The following ATP23 variants were observed in gnomAD, a reference collection of about 807,000 sequenced individuals.
ATP23 encodes ATP23 metallopeptidase and ATP synthase assembly factor homolog.
In ATP23, 24 loss-of-function variants were observed where a neutral mutation model predicts 28.5. The ratio of observed to expected loss-of-function variants is 0.84; its 90% CI spans 0.61 to 1.18. The LOEUF is 1.18. ATP23 is among the 50% of genes most tolerant of loss of function. The pLI is 0.00. For missense variants in ATP23, 274 were observed against 306.4 expected, an observed-to-expected ratio of 0.89 and a Z score of 0.79; for synonymous variants, 99 against 108.6, an observed-to-expected ratio of 0.91 and a Z score of 0.55.
intron 5 of ATP23, among the ~76,000 whole-genome samples, chr12:57,954,177 A>T (rs12299383): frequency 0.011 from 1,510 of 138,318 alleles, 32 homozygotes; most frequent in African/African-American, 0.041. Flanking sequence ...TCTGGGCCAC[A>T]GAGTGAGACT....
chr12:57,952,208 T>TA (rs745354801), intron 4 of ATP23, among the ~76,000 whole-genome samples: 3 of 152,034 alleles, frequency 2.0e-5, no homozygotes, highest in Non-Finnish European at 4.4e-5. Flanking sequence ...AAAATAAAAA[T>TA]AAAAAAATAA....
intron 2 of ATP23, among the ~76,000 whole-genome samples, chr12:57,946,159 C>G (rs1956758894): frequency 6.6e-6 from 1 of 152,150 alleles, no homozygotes; most frequent in Admixed American, 6.5e-5. Context: ...AGCCACTGCG[C>G]CAGCCCAGCT....
Position 57,956,738 on chromosome 12 carries a change from A to C in ATP23, c.589A>C (p.Ser197Arg). The C allele has an allele frequency of 6.2e-6, 10 of 1,614,016 alleles. No individual in the cohort carries two copies. Among genetic ancestry groups the C allele is most frequent in the Non-Finnish European group, 8.5e-6 (10 of 1,179,964 alleles). The part of the protein sequence containing the change: ...TLSILAVRNI[S>R]KEVAKKAVDE... ...TTCTATCCTGGCTGTTAGGAATATC[A>C]GCAAAGAAGTAGCTAAAAAGGCTGT... Residue 197 changes from serine to arginine, a missense_variant, in exon 6 of 6, where the codon AGC becomes CGC. Ser to Arg is a moderately radical substitution (Grantham distance 110). Transcript: ENST00000300145.
intron 3 of ATP23, among the ~76,000 whole-genome samples, chr12:57,950,232 G>A (rs970628704): frequency 6.6e-6 from 1 of 152,116 alleles, no homozygotes; most frequent in African/African-American, 2.4e-5. Flanking sequence ...ATTGCTCTTA[G>A]GGTAAAGACA....
intron 1 of ATP23, among the ~76,000 whole-genome samples, chr12:57,944,129 T>C (rs1224769989): frequency 1.3e-5 from 2 of 151,846 alleles, no homozygotes; most frequent in African/African-American, 4.8e-5. Context: ...ATTCTCCTAG[T>C]TGCATGAATA....
At chr12:57,945,561 C>T in intron 1 of ATP23, 67 bp from the exon 2 acceptor site, 1 of 1,348,578 alleles carries the variant, frequency 7.4e-7, no homozygotes, top group Non-Finnish European at 1.1e-6. Flanking sequence ...ATATCTTACA[C>T]TGCTATTTGG....
intron 1 of ATP23, 132 bp downstream of exon 1, chr12:57,942,020 G>T: frequency 8.8e-7 from 1 of 1,138,352 alleles, no homozygotes. Context: ...GGGCATCATG[G>T]GGGCTGGGTT....
At position 57,958,471 on chromosome 12, in the gene ATP23, T is replaced by C. The variant is rs1025088596; in HGVS notation, c.*1581T>C. On this transcript the variant is annotated 3_prime_UTR_variant, in exon 6 of 6. Transcript: ENST00000300145. ...CAACCACCAAAGCTAAGAACCCTCA[T>C]GGAGTCCATTGCACCCCCCCTGCCA... Among the ~76,000 whole-genome samples the C allele has an allele frequency of 6.6e-6, 1 of 152,100 alleles. No homozygotes were observed. Among genetic ancestry groups the C allele is most frequent in the East Asian group, 1.9e-4 (1 of 5,188 alleles).
chr12:57,952,422 A>C (rs1341634787), intron 4 of ATP23, among the ~76,000 whole-genome samples: 20 of 152,212 alleles, frequency 1.3e-4, no homozygotes, highest in Non-Finnish European at 1.5e-5. Flanking sequence ...TAGCTTGCCC[A>C]GCTGCCTTCC....
At chr12:57,948,176 C>T (rs1315743766) in intron 3 of ATP23, among the ~76,000 whole-genome samples, 7 of 152,158 alleles carry the variant, frequency 4.6e-5, no homozygotes, top group Non-Finnish European at 8.8e-5. Flanking sequence ...ACTCCCTTCT[C>T]GGTCCCCCCA....
intron 5 of ATP23, 112 bp downstream of exon 5, chr12:57,953,801 A>T: frequency 1.1e-6 from 1 of 917,920 alleles, no homozygotes; most frequent in Non-Finnish European, 1.7e-6. Flanking sequence ...TTCGTATGTG[A>T]AAAGAATACA....
rs5798421 is a variant in ATP23, at chr12:57,945,243, C to CTT, written c.188-377_188-376dup. 2.6e-5 allele frequency among the ~76,000 whole-genome samples: 4 copies of CTT among 151,434 alleles called. No homozygotes were observed. In the South Asian group the frequency reaches 8.4e-4, roughly 32 times the overall value. ...TTTTACCAATTTTAAGATAACATTA[C>CTT]TTTTTTTTTGAGACAGAGTCACTCT... On this transcript the variant is annotated intron_variant, in intron 1 of 5. Transcript: ENST00000300145.
rs1265134711 is a variant in ATP23 at position 57,941,768 on chromosome 12, G to T, written c.67G>T (p.Val23Phe). ...AGGGGAGCAGCTGCAGCAGCAACAC[G>T]TCTCTTGCCAGGTCTTCCCCGAGCG... ...AAGEQLQQQH[V>F]SCQVFPERLA... Residue 23 changes from valine to phenylalanine, a missense_variant, in exon 1 of 6, where the codon GTC becomes TTC. By Grantham distance (50) the Val-to-Phe change is conservative. Transcript: ENST00000300145. The T allele has an allele frequency of 6.2e-7, 1 of 1,601,538 alleles. No homozygotes were observed. Among genetic ancestry groups the T allele is most frequent in the Non-Finnish European group, 8.5e-7 (1 of 1,174,632 alleles).
At position 57,958,490 on chromosome 12, in the gene ATP23, C is replaced by T. The variant is rs924894484; in HGVS notation, c.*1600C>T. ...CCCTCATGGAGTCCATTGCACCCCC[C>T]CTGCCACCTCCACTGGAACAGGTGC... is the stretch of plus-strand genomic sequence containing the variant. On this transcript the variant is annotated 3_prime_UTR_variant, in exon 6 of 6. Coordinates refer to ENST00000300145, the MANE Select transcript of ATP23 (RefSeq NM_033276.4). Among the ~76,000 whole-genome samples the T allele has an allele frequency of 1.3e-5, 2 of 152,158 alleles. No individual in the cohort carries two copies. Among genetic ancestry groups the T allele is most frequent in the African/African-American group, 4.8e-5 (2 of 41,400 alleles).
At position 57,946,881 on chromosome 12, in the gene ATP23, T is replaced by C. The variant is rs77313810; in HGVS notation, c.234-114T>C. The C allele has an allele frequency of 9.0e-3, 6,757 of 749,220 alleles. 49 individuals are homozygous for C. Among genetic ancestry groups the C allele is most frequent in the Middle Eastern group, 0.02 (74 of 3,790 alleles). 46.4% of individuals were successfully genotyped at this position (749,220 alleles called of 1,614,324 possible). ...TGTTTCTTTCCCAAGATTTCCTATG[T>C]GTTAGTAGTAGAGGGGATTTACTAT... On this transcript the variant is annotated intron_variant, in intron 2 of 5. Transcript: ENST00000300145.
intron 3 of ATP23, among the ~76,000 whole-genome samples, 165 bp downstream of exon 3, chr12:57,947,241 G>A (rs1420081563): frequency 6.6e-6 from 1 of 152,126 alleles, no homozygotes; most frequent in East Asian, 1.9e-4. Flanking sequence ...ATCTCTTAAG[G>A]AGTTTACAGC....
intron 5 of ATP23, among the ~76,000 whole-genome samples, chr12:57,955,112 A>G (rs1292761048): frequency 6.6e-6 from 1 of 152,122 alleles, no homozygotes; most frequent in Admixed American, 6.5e-5. Context: ...AATGTGGTTA[A>G]AGCATGTGCT....
chr12:57,953,367 G>A (rs952996707), intron 4 of ATP23, among the ~76,000 whole-genome samples: 1 of 152,122 alleles, frequency 6.6e-6, no homozygotes, highest in East Asian at 1.9e-4. Flanking sequence ...TTTGGTAGGC[G>A]ATTGAACTTT....
chr12:57,941,807 A>G lies in ATP23; in HGVS notation c.106A>G (p.Asn36Asp). ...QVFPERLAQGNPQQGFFSSFF... is the reference protein window; with the variant it reads ...QVFPERLAQGDPQQGFFSSFF... ...CTTCCCCGAGCGTCTGGCCCAGGGG[A>G]ATCCCCAGCAAGGGTTCTTCTCCAG... The change falls in exon 1 of 6, where the codon AAT becomes GAT. Residue 36 changes from asparagine (N) to aspartate (D), a missense_variant. Asn to Asp is a conservative substitution (Grantham distance 23). Coordinates refer to ENST00000300145, the MANE Select transcript of ATP23 (RefSeq NM_033276.4). 4 of 1,612,112 alleles carry G rather than the reference A, an allele frequency of 2.5e-6. No individual in the cohort carries two copies. The highest frequency in any genetic ancestry group is 3.4e-6 in the Non-Finnish European group (4 of 1,179,288).
Sources: gnomAD v4.1 joint callset for allele counts (sites outside exome capture counted in the v4.1 genomes callset) on GRCh38, gnomAD v4.1.1 for gene constraint, MANE v1.5 for transcripts, NCBI Gene and HGNC (gene_info 2026-07-23, HGNC 2026-07-21) for gene names.